The following FHDC1 variants were observed in gnomAD, a reference collection of about 807,000 sequenced individuals.
The protein encoded by FHDC1 is FH2 domain-containing protein 1.
In FHDC1, 25 loss-of-function variants were observed where a neutral mutation model predicts 52.6. The observed-to-expected ratio is 0.48, with a 90% confidence interval of 0.35 to 0.66. The LOEUF is 0.66. Among genes scored for constraint, FHDC1 ranks in the 30% least tolerant of loss-of-function variants. FHDC1 has a pLI of 0.01. For missense variants in FHDC1, 1,459 were observed against 1,452.8 expected (o/e 1.00, Z -0.07); for synonymous variants, 616 against 581.5 (o/e 1.06, Z -0.85).
chr4:152,942,781 GTCCT>G, intron 1 of FHDC1, 143 bp from the exon 2 acceptor site: 8 of 391,890 alleles, frequency 2.0e-5, no homozygotes, highest in Admixed American at 1.2e-4. Context: ...AAAGCGTTGG[GTCCT>G]TGTAATGCAA....
chr4:152,960,890 C>T (rs772643352), intron 6 of FHDC1, 46 bp downstream of exon 6: 28 of 1,410,708 alleles, frequency 2.0e-5, no homozygotes, highest in African/African-American at 5.8e-5. Context: ...TTATTAATTT[C>T]GATAGCAGTT....
chr4:152,948,056 T>G (rs1274632121), intron 2 of FHDC1, among the ~76,000 whole-genome samples: 2 of 152,184 alleles, frequency 1.3e-5, no homozygotes, highest in Non-Finnish European at 2.9e-5. Context: ...ATTTTCATTT[T>G]TTTTTCCCCA....
chr4:152,923,614 T>A, the FHDC1 span, among the ~76,000 whole-genome samples: 1 of 151,796 alleles, frequency 6.6e-6, no homozygotes, highest in Non-Finnish European at 1.5e-5. Context: ...AACTATACTA[T>A]AAGGCTACAG....
intron 10 of FHDC1, 110 bp downstream of exon 10, chr4:152,968,207 T>A (rs1740524299): frequency 1.3e-6 from 1 of 744,674 alleles, no homozygotes; most frequent in East Asian, 2.6e-5. Context: ...CCATTCATAT[T>A]TTTTTTCTCC....
upstream of FHDC1, among the ~76,000 whole-genome samples, chr4:152,931,587 C>T (rs540762929): frequency 1.3e-5 from 2 of 152,068 alleles, no homozygotes; most frequent in South Asian, 4.1e-4. Context: ...CATTATCTTA[C>T]TACCTCATTC....
intron 4 of FHDC1, among the ~76,000 whole-genome samples, chr4:152,955,634 G>A (rs1403494039): frequency 6.6e-6 from 1 of 152,124 alleles, no homozygotes; most frequent in Non-Finnish European, 1.5e-5. Context: ...ACAGGTGCAT[G>A]CCACCACGCC....
At chr4:152,913,672 C>CATTT in the FHDC1 span, among the ~76,000 whole-genome samples, 2,396 of 151,876 alleles carry the variant, frequency 0.016, 59 homozygotes, top group African/African-American at 0.055. Flanking sequence ...TTTGATCACT[C>CATTT]ATTTATTTAT....
intron 2 of FHDC1, among the ~76,000 whole-genome samples, chr4:152,945,138 G>C (rs1353912894): frequency 2.0e-5 from 3 of 152,168 alleles, no homozygotes; most frequent in African/African-American, 7.2e-5. Flanking sequence ...ATTTCAAGAG[G>C]CTAAGGGGAA....
At chr4:152,966,003 A>T (rs770055061) in intron 9 of FHDC1, among the ~76,000 whole-genome samples, 1 of 152,236 alleles carries the variant, frequency 6.6e-6, no homozygotes, top group Non-Finnish European at 1.5e-5. Context: ...AGGTGTAAAC[A>T]GTTTATAATT....
chr4:152,944,544 A>G (rs1561203083), intron 2 of FHDC1, among the ~76,000 whole-genome samples: 2 of 152,192 alleles, frequency 1.3e-5, no homozygotes, highest in Non-Finnish European at 2.9e-5. Context: ...TAGCAGCTCC[A>G]TGCATTATTG....
At chr4:152,967,923 C>A in intron 9 of FHDC1, 57 bp from the exon 10 acceptor site, 2 of 1,302,678 alleles carry the variant, frequency 1.5e-6, no homozygotes, top group Non-Finnish European at 2.2e-6. Context: ...TTTAATATAC[C>A]TACATGACAC....
In FHDC1 at chr4:152,976,715, C is replaced by A. The variant is rs961240861; in HGVS notation, c.3424C>A (p.Arg1142=). The A allele has an allele frequency of 1.4e-6, 2 of 1,479,064 alleles. No homozygotes were observed. Among genetic ancestry groups the A allele is most frequent in the East Asian group, 2.4e-5 (1 of 41,308 alleles). The allele number at this position is 1,479,064 out of a possible 1,614,324, so 91.6% of individuals were successfully genotyped here. ...TTLGRILNPL[R]K ...GCTGGGGAGAATCCTCAATCCCTTACGGAAGTGATGGGTGCCTGTCCTCTC... is the reference window on the plus strand; with the variant it reads ...GCTGGGGAGAATCCTCAATCCCTTAAGGAAGTGATGGGTGCCTGTCCTCTC... The change falls in exon 12 of 12, where the codon CGG becomes AGG. Residue 1142 remains arginine, a synonymous_variant. Transcript: ENST00000511601.
Position 152,947,177 on chromosome 4 carries a change from C to T in FHDC1, c.498+3622C>T, listed in dbSNP as rs113288260. On this transcript the variant is annotated intron_variant, in intron 2 of 11. Transcript: ENST00000511601. The stretch of plus-strand genomic sequence containing the variant: ...GAGGTTGCAGTGAGTGGAGATCGCG[C>T]CACTGTACTCTAGCTTGGGCAACAG... Among the ~76,000 whole-genome samples, 627 of 150,278 alleles carry T rather than the reference C, an allele frequency of 4.2e-3. 5 individuals are homozygous for T. The highest frequency in any genetic ancestry group is 0.013 in the South Asian group (64 of 4,746).
At chr4:152,949,112 T>TAAGAAGAAG (rs1301987979) in intron 2 of FHDC1, among the ~76,000 whole-genome samples, 83 of 79,960 alleles carry the variant, frequency 1.0e-3, no homozygotes, top group East Asian at 3.6e-3. Context: ...ATAATAATAA[T>TAAGAAGAAG]AATAATAATA....
chr4:152,915,512 A>C, the FHDC1 span, among the ~76,000 whole-genome samples: 26,566 of 152,208 alleles, frequency 0.17, 2,457 homozygotes, highest in African/African-American at 0.23. Flanking sequence ...TTGCACTGCA[A>C]TTTCATTTGA....
chr4:152,921,732 T>C, the FHDC1 span, among the ~76,000 whole-genome samples: 1 of 152,186 alleles, frequency 6.6e-6, no homozygotes, highest in African/African-American at 2.4e-5. Context: ...AATTTTCCTT[T>C]GGGCTGCATT....
At chr4:152,931,871 A>C (rs1019754267), upstream of FHDC1, among the ~76,000 whole-genome samples, 1 of 139,318 alleles carries the variant, frequency 7.2e-6, no homozygotes, top group Admixed American at 7.6e-5. Context: ...CAGGAGGTTG[A>C]GGCTGCAGTG....
At chr4:152,963,765 CTTTGTTTTTTTT>C (rs1341396084) in intron 8 of FHDC1, among the ~76,000 whole-genome samples, 98 of 50,920 alleles carry the variant, frequency 1.9e-3, no homozygotes, top group African/African-American at 6.6e-3. Flanking sequence ...CTATCCATTG[CTTTGTTTTTTTT>C]TTTTTTTTTT....
At position 152,974,967 on chromosome 4, in the gene FHDC1, C is replaced by T. The variant is rs757990546; in HGVS notation, c.1676C>T (p.Thr559Ile). 4.3e-6 allele frequency: 7 copies of T among 1,612,624 alleles called. No homozygotes were observed. In the Admixed American group the frequency reaches 1.2e-4, roughly 27 times the overall value. The change falls in exon 12 of 12, where the codon ACC (threonine) becomes ATC (isoleucine). Residue 559 changes from threonine to isoleucine, a missense_variant. Physicochemically the swap from Thr to Ile is moderately conservative, Grantham distance 89 (BLOSUM62 -1). Transcript: ENST00000511601. ...CTGCTGACCTTCTTGGAGAGCTCCA[C>T]CGGCAGCCCTGAGGAGCCCAATAAG... ...RELLTFLESS[T>I]GSPEEPNKFH...
Sources: allele counts gnomAD v4.1 joint callset (sites outside exome capture counted in the v4.1 genomes callset), GRCh38; gene constraint gnomAD v4.1.1; transcripts MANE v1.5; gene names NCBI Gene and HGNC (gene_info 2026-07-23, HGNC 2026-07-21).